KLHL32: variants seen among roughly 807,000 people sequenced by gnomAD.
The protein encoded by KLHL32 is kelch like family member 32.
Under a neutral mutation model 64.8 loss-of-function variants are expected in KLHL32, and 35 were observed. That is an observed-to-expected ratio of 0.54 (90% CI 0.41 to 0.72). The LOEUF is 0.72. Among genes scored for constraint, KLHL32 ranks in the 30% least tolerant of loss-of-function variants. KLHL32 has a pLI of 0.00. For synonymous variants in KLHL32, 259 were observed against 281.0 expected (o/e 0.92, Z 0.78); for missense variants, 589 against 768.5 (o/e 0.77, Z 2.76).
intron 6 of KLHL32, among the ~76,000 whole-genome samples, chr6:97,093,426 AC>A (rs1158693500): frequency 1.3e-5 from 2 of 152,326 alleles, no homozygotes; most frequent in East Asian, 3.9e-4. Context: ...TCAATAGTTG[AC>A]TCACTTCACA....
chr6:97,082,118 T>A (rs1324815331), intron 5 of KLHL32, among the ~76,000 whole-genome samples: 1 of 152,182 alleles, frequency 6.6e-6, no homozygotes, highest in Non-Finnish European at 1.5e-5. Flanking sequence ...GAATGGTAAT[T>A]TAGGACACTG....
chr6:97,035,699 A>G (rs1784192317), intron 3 of KLHL32, among the ~76,000 whole-genome samples: 2 of 152,090 alleles, frequency 1.3e-5, no homozygotes, highest in Non-Finnish European at 2.9e-5. Flanking sequence ...AAATCCACTG[A>G]TGTCTTATGG....
intron 3 of KLHL32, among the ~76,000 whole-genome samples, chr6:97,019,937 T>G (rs1206098): frequency 0.19 from 26,560 of 136,510 alleles, 4,858 homozygotes; most frequent in African/African-American, 0.47. Context: ...CCATCACCAC[T>G]CCCGGCGAAT....
At chr6:97,133,485 C>T (rs1473110125) in intron 10 of KLHL32, among the ~76,000 whole-genome samples, 4 of 152,198 alleles carry the variant, frequency 2.6e-5, no homozygotes, top group East Asian at 1.9e-4. Context: ...ATTATCTAAT[C>T]GCATCTTTAT....
At chr6:96,905,030 G>T in the KLHL32 span, among the ~76,000 whole-genome samples, 36 of 152,206 alleles carry the variant, frequency 2.4e-4, 1 homozygote, top group African/African-American at 8.2e-4. Flanking sequence ...TCATGAACTT[G>T]CTTTATATGG....
chr6:97,055,819 A>AAAAAAAAAAAAAAAAAAAAAAAAAC (rs1787765328), intron 4 of KLHL32, among the ~76,000 whole-genome samples: 1 of 145,966 alleles, frequency 6.9e-6, no homozygotes. Context: ...AAAAAAAAAA[A>AAAAAAAAAAAAAAAAAAAAAAAAAC]AAACCCCTTC....
intron 3 of KLHL32, among the ~76,000 whole-genome samples, chr6:97,006,298 A>G (rs1337448267): frequency 2.0e-5 from 3 of 152,004 alleles, no homozygotes; most frequent in African/African-American, 2.4e-5. Context: ...TTGTTGATTT[A>G]TAGTCTTTTT....
intron 4 of KLHL32, among the ~76,000 whole-genome samples, chr6:97,057,367 A>G (rs2128143549): frequency 8.0e-6 from 1 of 125,166 alleles, no homozygotes; most frequent in East Asian, 2.2e-4. Flanking sequence ...TATTTTTAGT[A>G]GAGACGGGGT....
rs1796641277 is a variant in KLHL32 at position 97,108,024 on chromosome 6, G to A, written c.628-5759G>A. Among the ~76,000 whole-genome samples the A allele has an allele frequency of 1.3e-5, 2 of 152,166 alleles. 1 individual carries two copies. Among genetic ancestry groups the A allele is most frequent in the South Asian group, 4.1e-4 (2 of 4,828 alleles). ...ATTGTGGTCAGATGAATTGGGTCAG[G>A]CAGGGTGCTTGAGAGACCTCCTGTT... is the stretch of plus-strand genomic sequence containing the variant. On this transcript the variant is annotated intron_variant, in intron 6 of 10. Transcript: ENST00000369261.
upstream of KLHL32, chr6:96,924,527 G>A (rs1768893936): frequency 6.6e-6 from 1 of 150,530 alleles, no homozygotes; most frequent in South Asian, 1.8e-4. Flanking sequence ...CGGTGGCGTT[G>A]CGCGCGGGGT....
intron 1 of KLHL32, among the ~76,000 whole-genome samples, chr6:96,942,033 G>C (rs970437755): frequency 6.6e-6 from 1 of 152,288 alleles, no homozygotes; most frequent in African/African-American, 2.4e-5. Context: ...ACTTAGGTAA[G>C]GTCTGTTTAT....
At chr6:96,904,632 T>C in the KLHL32 span, among the ~76,000 whole-genome samples, 44 of 152,304 alleles carry the variant, frequency 2.9e-4, no homozygotes, top group African/African-American at 9.4e-4. Flanking sequence ...GCGTTTTTAA[T>C]GAAGCTCGAT....
chr6:96,983,066 T>A (rs1776525706), intron 3 of KLHL32, among the ~76,000 whole-genome samples: 1 of 152,270 alleles, frequency 6.6e-6, no homozygotes, highest in African/African-American at 2.4e-5. Context: ...CAATACCTAA[T>A]TTGTTGAGAG....
chr6:96,998,211 G>C (rs1251978748), intron 3 of KLHL32, among the ~76,000 whole-genome samples: 2 of 152,140 alleles, frequency 1.3e-5, no homozygotes, highest in African/African-American at 4.8e-5. Flanking sequence ...AATACTATAT[G>C]AATATTAAAA....
the KLHL32 span, among the ~76,000 whole-genome samples, chr6:96,909,705 T>C: frequency 6.6e-6 from 1 of 152,346 alleles, no homozygotes; most frequent in South Asian, 2.1e-4. Flanking sequence ...GTAGTAATTA[T>C]TTCCAGTCCA....
chr6:96,961,552 T>C (rs139381044), intron 1 of KLHL32, among the ~76,000 whole-genome samples: 5 of 152,248 alleles, frequency 3.3e-5, no homozygotes, highest in Non-Finnish European at 7.4e-5. Flanking sequence ...GTGACAGTTT[T>C]TGCAAAAAAG....
chr6:97,062,576 T>C (rs1789081606), intron 4 of KLHL32: 1 of 152,256 alleles, frequency 6.6e-6, no homozygotes, highest in Non-Finnish European at 1.5e-5. Flanking sequence ...AGAGTCCTTT[T>C]TTCTTTCTTA....
the KLHL32 span, among the ~76,000 whole-genome samples, chr6:96,919,247 A>C: frequency 6.6e-6 from 1 of 152,178 alleles, no homozygotes; most frequent in Non-Finnish European, 1.5e-5. Flanking sequence ...TATTTCCAGT[A>C]ATGAGGTTAT....
intron 3 of KLHL32, among the ~76,000 whole-genome samples, chr6:96,979,954 C>G (rs1582561115): frequency 6.6e-6 from 1 of 152,058 alleles, no homozygotes; most frequent in South Asian, 2.1e-4. Flanking sequence ...TGATTTGGCT[C>G]TCAGCTTGGA....
Sources: gnomAD v4.1 joint callset for allele counts (sites outside exome capture counted in the v4.1 genomes callset) on GRCh38, gnomAD v4.1.1 for gene constraint, MANE v1.5 for transcripts, NCBI Gene and HGNC (gene_info 2026-07-23, HGNC 2026-07-21) for gene names.